The following SLC4A8 variants were observed in gnomAD, a reference collection of about 807,000 sequenced individuals.
SLC4A8 encodes the protein electroneutral sodium bicarbonate exchanger 1.
SLC4A8 carries 40 observed loss-of-function variants against 125.0 expected under a neutral mutation model. The ratio of observed to expected loss-of-function variants is 0.32; its 90% CI spans 0.25 to 0.42. SLC4A8 has a LOEUF of 0.42. Ranked by LOEUF, SLC4A8 falls within the 10% of genes least tolerant of loss-of-function variation. SLC4A8 has a pLI of 1.00. For missense variants in SLC4A8, 863 were observed against 1,355.1 expected (o/e 0.64, Z 5.70); for synonymous variants, 456 against 476.0 (o/e 0.96, Z 0.55).
intron 1 of SLC4A8, among the ~76,000 whole-genome samples, chr12:51,413,717 G>C (rs750164690): frequency 6.6e-6 from 1 of 152,146 alleles, no homozygotes; most frequent in Non-Finnish European, 1.5e-5. Flanking sequence ...TTGAAAATCA[G>C]TCAGTTGGCT....
At position 51,440,801 on chromosome 12, in the gene SLC4A8, C is replaced by T; in HGVS notation, c.130+12C>T. On this transcript the variant is annotated intron_variant, in intron 2 of 24. Coordinates refer to ENST00000453097, the MANE Select transcript of SLC4A8 (RefSeq NM_001039960.3). ...AGAAGAGCTGGAAGGTAAGAACTGC[C>T]ATGCTGTGTGATCAGGGAAATTGGT... 1 of 1,600,016 alleles carries T rather than the reference C, an allele frequency of 6.2e-7. No homozygotes were observed. The highest frequency in any genetic ancestry group is 8.5e-7 in the Non-Finnish European group (1 of 1,174,392).
intron 1 of SLC4A8, among the ~76,000 whole-genome samples, chr12:51,437,129 A>G (rs1235008836): frequency 1.3e-5 from 2 of 152,216 alleles, no homozygotes; most frequent in Non-Finnish European, 2.9e-5. Flanking sequence ...ATATTAGACT[A>G]TTTTATTTAC....
In SLC4A8 at chr12:51,504,025, C is replaced by T. The variant is rs1431184411; in HGVS notation, c.3082-4C>T. ...AGATATAATAATGTTTCTTTTTCTT[C>T]CAGGAGGCTGAGAAAATGTTAGAAA... is the stretch of plus-strand genomic sequence containing the variant. On this transcript the variant is annotated splice_polypyrimidine_tract_variant and splice_region_variant and intron_variant, in intron 22 of 24. Transcript: ENST00000453097. 1 of 1,546,194 alleles carries T rather than the reference C, an allele frequency of 6.5e-7. No homozygotes were observed. Among genetic ancestry groups the T allele is most frequent in the Non-Finnish European group, 8.8e-7 (1 of 1,134,044 alleles).
At chr12:51,407,219 C>T (rs1312253552) in intron 1 of SLC4A8, among the ~76,000 whole-genome samples, 2 of 152,168 alleles carry the variant, frequency 1.3e-5, no homozygotes, top group African/African-American at 2.4e-5. Context: ...ACCACTAATA[C>T]TGTTGCATTA....
Position 51,424,906 on chromosome 12 carries a change from G to C in SLC4A8, c.-82G>C, listed in dbSNP as rs1448049091. 39 of 1,443,852 alleles carry C rather than the reference G, an allele frequency of 2.7e-5. No homozygotes were observed. The highest frequency in any genetic ancestry group is 3.6e-5 in the Non-Finnish European group (38 of 1,055,790). The allele number at this position is 1,443,852 out of a possible 1,614,324, so 89.4% of individuals were successfully genotyped here. A position where few individuals can be genotyped will look rare whatever the true frequency, so the allele number is the denominator to read the frequency against. On this transcript the variant is annotated 5_prime_UTR_variant, in exon 1 of 25. Coordinates refer to ENST00000453097, the MANE Select transcript of SLC4A8 (RefSeq NM_001039960.3). ...CCGGGGTGGGGGTCGCCGTTCGAGT[G>C]ATCTGCTCAGACCCGACCAGAGGGC...
intron 1 of SLC4A8, among the ~76,000 whole-genome samples, chr12:51,438,794 A>C (rs536912170): frequency 6.6e-6 from 1 of 152,066 alleles, no homozygotes; most frequent in African/African-American, 2.4e-5. Flanking sequence ...CATTTGTTAT[A>C]TTTTGTCTTT....
rs543634873 is a variant in SLC4A8, at chr12:51,473,820, C to A, written c.1905-522C>A. ...GAATGGCCAAGGTAGTGGGGTATTA[C>A]CAAAGATAACTCAGTGTCAGAAAGT... On this transcript the variant is annotated intron_variant, in intron 14 of 24. Coordinates refer to ENST00000453097, the MANE Select transcript of SLC4A8 (RefSeq NM_001039960.3). 1.1e-3 allele frequency among the ~76,000 whole-genome samples: 172 copies of A among 152,240 alleles called. 1 individual carries two copies. Among genetic ancestry groups the A allele is most frequent in the South Asian group, 3.9e-3 (19 of 4,826 alleles).
At chr12:51,395,286 T>A (rs1423981929) in intron 1 of SLC4A8, among the ~76,000 whole-genome samples, 1 of 152,160 alleles carries the variant, frequency 6.6e-6, no homozygotes, top group Non-Finnish European at 1.5e-5. Flanking sequence ...CTAGATTCTG[T>A]TAACTGCAAA....
chr12:51,505,841 C>T lies in SLC4A8; in HGVS notation c.3180C>T (p.Asp1060=). The T allele has an allele frequency of 6.7e-7, 1 of 1,483,222 alleles. No homozygotes were observed. The highest frequency in any genetic ancestry group is 9.4e-7 in the Non-Finnish European group (1 of 1,064,600). 91.9% of individuals were successfully genotyped at this position (1,483,222 alleles called of 1,614,324 possible). A position where few individuals can be genotyped will look rare whatever the true frequency, so the allele number is the denominator to read the frequency against. The change falls in exon 24 of 25, where the codon GAC becomes GAT. Residue 1060 remains aspartate, a synonymous_variant. Transcript: ENST00000453097. ...SPGKNISCRC[D]PSEINISDEM... is the part of the protein sequence containing the mutation. Reference sequence around the variant, plus strand: ...TCCTAATGATTGATTTCAGATGTGACCCCTCTGAGATTAATATATCTGATG... The same window carrying T: ...TCCTAATGATTGATTTCAGATGTGATCCCTCTGAGATTAATATATCTGATG...
At chr12:51,446,543 G>C (rs1360602208) in intron 2 of SLC4A8, among the ~76,000 whole-genome samples, 1 of 152,218 alleles carries the variant, frequency 6.6e-6, no homozygotes, top group Admixed American at 6.5e-5. Flanking sequence ...CCCCATTGCT[G>C]GGAAAAGAAG....
In SLC4A8 at chr12:51,457,482, C is replaced by T. The variant is rs766848830; in HGVS notation, c.706C>T (p.Arg236Cys). ...GAGAAACAACCTCATTCCCATTGTT[C>T]GCTCCTTTGCTGAGGTTGGCAAGAA... The part of the protein sequence containing the change: ...KKRNNLIPIV[R>C]SFAEVGKKQS... Residue 236 changes from arginine (R) to cysteine (C), a missense_variant, in exon 6 of 25, where the codon CGC becomes TGC. Physicochemically the swap from Arg to Cys is radical, Grantham distance 180. Transcript: ENST00000453097. 7 of 1,614,060 alleles carry T rather than the reference C, an allele frequency of 4.3e-6. No homozygotes were observed. Among genetic ancestry groups the T allele is most frequent in the East Asian group, 2.2e-5 (1 of 44,890 alleles).
At chr12:51,424,066 C>CAAAAAAAAAAAAAA (rs60139804), upstream of SLC4A8, among the ~76,000 whole-genome samples, 4 of 106,226 alleles carry the variant, frequency 3.8e-5, 1 homozygote, top group South Asian at 6.3e-4. Context: ...AAAAAAACAA[C>CAAAAAAAAAAAAAA]AAAAAAAAAA....
chr12:51,496,484 G>T (rs1565821465), intron 21 of SLC4A8, among the ~76,000 whole-genome samples: 1 of 152,190 alleles, frequency 6.6e-6, no homozygotes, highest in Non-Finnish European at 1.5e-5. Flanking sequence ...GTCAGGCCAG[G>T]CCAGAGGGCA....
Position 51,477,913 on chromosome 12 carries a change from C to T in SLC4A8, c.2172+2707C>T, listed in dbSNP as rs113643693. 1.2e-3 allele frequency among the ~76,000 whole-genome samples: 187 copies of T among 152,222 alleles called. 1 individual carries two copies. The highest frequency in any genetic ancestry group is 4.2e-3 in the African/African-American group (176 of 41,526). On this transcript the variant is annotated intron_variant, in intron 16 of 24. Transcript: ENST00000453097. ...AGGGAGGCCGAGGTAGGTGGATCACCGGAGGTCAGGAGTTTGAGACCAGCC... is the reference window on the plus strand; with the variant it reads ...AGGGAGGCCGAGGTAGGTGGATCACTGGAGGTCAGGAGTTTGAGACCAGCC...
At chr12:51,493,010 A>G (rs1951358094) in intron 19 of SLC4A8, among the ~76,000 whole-genome samples, 1 of 152,150 alleles carries the variant, frequency 6.6e-6, no homozygotes, top group Non-Finnish European at 1.5e-5. Flanking sequence ...GAGAATATTT[A>G]TATAGTCCCA....
intron 1 of SLC4A8, among the ~76,000 whole-genome samples, chr12:51,414,140 T>G (rs2359604): frequency 6.6e-6 from 1 of 151,350 alleles, no homozygotes; most frequent in Non-Finnish European, 1.5e-5. Flanking sequence ...TCTTACCTCC[T>G]TGGTTAAATT....
At chr12:51,506,159 A>G (rs543207689) in intron 24 of SLC4A8, among the ~76,000 whole-genome samples, 2 of 152,384 alleles carry the variant, frequency 1.3e-5, no homozygotes, top group East Asian at 3.9e-4. Flanking sequence ...GTCCAAGGTC[A>G]GGAAGGGATT....
At chr12:51,479,986 T>C in intron 16 of SLC4A8, 1 of 394,534 alleles carries the variant, frequency 2.5e-6, no homozygotes, top group Non-Finnish European at 4.9e-6. Context: ...TTTTTTTTTT[T>C]TTCAGATGGA....
At chr12:51,447,665 A>C (rs1457158797) in intron 2 of SLC4A8, among the ~76,000 whole-genome samples, 1 of 150,946 alleles carries the variant, frequency 6.6e-6, no homozygotes, top group South Asian at 2.1e-4. Context: ...ACATCTCTAG[A>C]TATTTCCCCC....
Sources: gnomAD v4.1 joint callset for allele counts (sites outside exome capture counted in the v4.1 genomes callset) on GRCh38, gnomAD v4.1.1 for gene constraint, MANE v1.5 for transcripts, NCBI Gene and HGNC (gene_info 2026-07-23, HGNC 2026-07-21) for gene names.